The following FAM13A variants were observed in gnomAD, a reference collection of about 807,000 sequenced individuals.
FAM13A encodes family with sequence similarity 13 member A, also known as protein FAM13A.
A neutral mutation model predicts 129.6 loss-of-function variants in FAM13A; 76 were observed. That is an observed-to-expected ratio of 0.59 (90% confidence interval 0.49 to 0.71). The LOEUF (loss-of-function observed/expected upper bound fraction) is 0.71. Ranked by LOEUF, FAM13A falls within the 30% of genes least tolerant of loss-of-function variation. The pLI, the probability that FAM13A is intolerant of heterozygous loss-of-function variation, is 0.00. For synonymous variants in FAM13A, 443 were observed against 449.9 expected (o/e 0.98, Z 0.20); for missense variants, 1,108 against 1,249.3 (o/e 0.89, Z 1.70).
At chr4:88,893,810 G>C (rs1339754897) in intron 6 of FAM13A, among the ~76,000 whole-genome samples, 2 of 141,112 alleles carry the variant, frequency 1.4e-5, no homozygotes, top group Non-Finnish European at 3.0e-5. Flanking sequence ...CAGGCTGATG[G>C]AGCGAGACTC....
chr4:88,825,897 CA>C (rs1475579597), intron 7 of FAM13A, among the ~76,000 whole-genome samples: 1 of 152,090 alleles, frequency 6.6e-6, no homozygotes, highest in African/African-American at 2.4e-5. Context: ...TCATTTATAA[CA>C]ATTCCTCCTT....
At chr4:89,027,103 G>T (rs1479079703) in intron 2 of FAM13A, among the ~76,000 whole-genome samples, 1 of 152,140 alleles carries the variant, frequency 6.6e-6, no homozygotes, top group East Asian at 1.9e-4. Flanking sequence ...TGAAACCTTG[G>T]ATAGTACCAA....
At chr4:88,985,972 G>GT (rs549604215) in intron 4 of FAM13A, among the ~76,000 whole-genome samples, 87 of 151,994 alleles carry the variant, frequency 5.7e-4, no homozygotes, top group Non-Finnish European at 1.2e-3. Context: ...TACACAAAAT[G>GT]TAACTACATA....
At chr4:88,810,598 A>G (rs1729485362) in intron 7 of FAM13A, among the ~76,000 whole-genome samples, 1 of 152,100 alleles carries the variant, frequency 6.6e-6, no homozygotes, top group Non-Finnish European at 1.5e-5. Context: ...ATGCCTAACA[A>G]AGGTGCTTCA....
intron 11 of FAM13A, among the ~76,000 whole-genome samples, chr4:88,770,872 T>C (rs906436015): frequency 6.6e-6 from 1 of 152,210 alleles, no homozygotes; most frequent in African/African-American, 2.4e-5. Flanking sequence ...ACTTTTTACA[T>C]GTTTTATCCA....
chr4:88,735,608 A>G (rs1265414639), intron 21 of FAM13A, among the ~76,000 whole-genome samples: 2 of 152,198 alleles, frequency 1.3e-5, no homozygotes, highest in Non-Finnish European at 2.9e-5. Context: ...TCCCAAAAGC[A>G]TTTAAAACCA....
chr4:88,963,758 A>C (rs1322974913), intron 4 of FAM13A, among the ~76,000 whole-genome samples: 1 of 152,222 alleles, frequency 6.6e-6, no homozygotes, highest in Non-Finnish European at 1.5e-5. Flanking sequence ...CCAGTCTATT[A>C]GTTGCTGCTA....
At chr4:88,989,558 T>C (rs944600368) in intron 4 of FAM13A, 21 of 152,188 alleles carry the variant, frequency 1.4e-4, no homozygotes, top group Non-Finnish European at 2.5e-4. Flanking sequence ...GCCGAGATTG[T>C]ACCACTGCAC....
At chr4:88,927,603 T>C (rs918668396) in intron 5 of FAM13A, among the ~76,000 whole-genome samples, 1 of 152,064 alleles carries the variant, frequency 6.6e-6, no homozygotes, top group African/African-American at 2.4e-5. Context: ...TGTATGTTTC[T>C]AGGAATTTAT....
intron 6 of FAM13A, among the ~76,000 whole-genome samples, chr4:88,884,150 A>G (rs2150136046): frequency 6.6e-6 from 1 of 152,262 alleles, no homozygotes; most frequent in East Asian, 1.9e-4. Context: ...TCCTCCCAAT[A>G]TCATTTTATG....
At chr4:88,928,915 T>C (rs573028308) in intron 5 of FAM13A, among the ~76,000 whole-genome samples, 1 of 152,172 alleles carries the variant, frequency 6.6e-6, no homozygotes, top group African/African-American at 2.4e-5. Context: ...TGTGGTTTGA[T>C]GAAATTATCA....
intron 6 of FAM13A, among the ~76,000 whole-genome samples, chr4:88,892,113 T>C (rs1745412165): frequency 6.6e-6 from 1 of 151,508 alleles, no homozygotes; most frequent in Non-Finnish European, 1.5e-5. Context: ...GGCTGAGGTT[T>C]CAGTGAGCTA....
chr4:88,797,073 C>G (rs971390909), intron 8 of FAM13A, among the ~76,000 whole-genome samples: 1 of 152,024 alleles, frequency 6.6e-6, no homozygotes, highest in African/African-American at 2.4e-5. Context: ...AGTTTCATTA[C>G]TTTCTTTGCC....
At chr4:89,041,713 GA>G (rs1553930020) in intron 1 of FAM13A, among the ~76,000 whole-genome samples, 2 of 152,094 alleles carry the variant, frequency 1.3e-5, no homozygotes, top group Non-Finnish European at 2.9e-5. Context: ...TTGAGCCCAG[GA>G]GTTCGAGACC....
chr4:88,868,621 A>G (rs751182974), intron 6 of FAM13A, among the ~76,000 whole-genome samples: 31 of 152,096 alleles, frequency 2.0e-4, no homozygotes, highest in Admixed American at 5.9e-4. Flanking sequence ...ATGGCCCCAG[A>G]CTATTTCCGC....
At chr4:88,888,106 T>C (rs991478922) in intron 6 of FAM13A, among the ~76,000 whole-genome samples, 6 of 152,194 alleles carry the variant, frequency 3.9e-5, no homozygotes, top group Admixed American at 2.0e-4. Context: ...AAGCATATGA[T>C]GCTCATTTTC....
chr4:88,994,854 T>TGC lies in FAM13A; in HGVS notation c.428-3705_428-3704insGC, dbSNP rs1274921772. 1.7e-4 allele frequency among the ~76,000 whole-genome samples: 24 copies of TGC among 139,498 alleles called. No individual in the cohort carries two copies. In the South Asian group the frequency reaches 4.4e-3, roughly 26 times the overall value. The allele number at this position is 139,498 out of a possible 152,430, so 91.5% of individuals were successfully genotyped here. A position where few individuals can be genotyped will look rare whatever the true frequency, so the allele number is the denominator to read the frequency against. On this transcript the variant is annotated intron_variant, in intron 3 of 23. Coordinates refer to ENST00000264344, the MANE Select transcript of FAM13A (RefSeq NM_014883.4). Reference sequence around the variant, plus strand: ...AGACCCTGTCAAAAAAAAAAAAATTTCCTAATAATTACTTTGCTATGGCTT... The same window carrying TGC: ...AGACCCTGTCAAAAAAAAAAAAATTTGCCCTAATAATTACTTTGCTATGGCTT...
intron 3 of FAM13A, among the ~76,000 whole-genome samples, chr4:89,018,348 G>C (rs1207889088): frequency 6.6e-6 from 1 of 152,248 alleles, no homozygotes; most frequent in African/African-American, 2.4e-5. Context: ...ACCAAAGAGA[G>C]AGGCCTCAGG....
chr4:88,921,591 A>G (rs1398337161), intron 5 of FAM13A, among the ~76,000 whole-genome samples: 1 of 152,266 alleles, frequency 6.6e-6, no homozygotes, highest in Admixed American at 6.5e-5. Context: ...CAGCCGCTGC[A>G]AAATCATGCC....
Sources: allele counts gnomAD v4.1 joint callset (sites outside exome capture counted in the v4.1 genomes callset), GRCh38; gene constraint gnomAD v4.1.1; transcripts MANE v1.5; gene names NCBI Gene and HGNC (gene_info 2026-07-23, HGNC 2026-07-21).